MAK16: variants seen among roughly 807,000 people sequenced by gnomAD.
MAK16 encodes protein MAK16 homolog.
A neutral mutation model predicts 49.9 loss-of-function variants in MAK16; 12 were observed. That is an observed-to-expected ratio of 0.24 (90% CI 0.15 to 0.39). The LOEUF (loss-of-function observed/expected upper bound fraction) is 0.39. Among genes scored for constraint, MAK16 ranks in the 10% least tolerant of loss-of-function variants. The probability of loss-of-function intolerance (pLI) is 1.00; values close to 1 mark genes in which losing one functional copy is unlikely to be tolerated. For missense variants in MAK16, 292 were observed against 363.7 expected (o/e 0.80, Z 1.60); for synonymous variants, 115 against 126.4 (o/e 0.91, Z 0.60).
At chr8:33,488,921 C>A in intron 4 of MAK16, 67 bp from the exon 5 acceptor site, 1 of 1,608,234 alleles carries the variant, frequency 6.2e-7, no homozygotes, top group South Asian at 1.1e-5. Context: ...CCATGGGTGT[C>A]ACTGACAGTG....
intron 8 of MAK16, 24 bp downstream of exon 8, chr8:33,496,765 A>G: frequency 6.6e-7 from 1 of 1,521,370 alleles, no homozygotes; most frequent in Non-Finnish European, 9.0e-7. Flanking sequence ...TTGTTTTGCC[A>G]AACCTACTAG....
chr8:33,497,340 A>G, intron 9 of MAK16, 43 bp downstream of exon 9: 4 of 719,182 alleles, frequency 5.6e-6, no homozygotes, highest in South Asian at 5.7e-5. Context: ...GCCTGCAGCA[A>G]AAAAAAAAAA....
In MAK16 at chr8:33,498,675, T is replaced by TG. The variant is rs1397300897; in HGVS notation, c.*46_*47insG. Reference sequence around the variant, plus strand: ...CCCAGGACTGAACATGCAGAACTGTTTTTTTTTTTTTTTTATCTTAAACAC... The same window carrying TG: ...CCCAGGACTGAACATGCAGAACTGTTGTTTTTTTTTTTTTTATCTTAAACAC... On this transcript the variant is annotated 3_prime_UTR_variant, in exon 10 of 10. Transcript: ENST00000360128. The TG allele has an allele frequency of 1.8e-6, 2 of 1,095,774 alleles. No homozygotes were observed. The highest frequency in any genetic ancestry group is 3.3e-5 in the East Asian group (1 of 29,878). 67.9% of individuals were successfully genotyped at this position (1,095,774 alleles called of 1,614,324 possible).
Position 33,495,550 on chromosome 8 carries a change from A to T in MAK16, c.456A>T (p.Ala152=). The change falls in exon 7 of 10, where the codon GCA becomes GCT. Residue 152 remains alanine, a synonymous_variant. Transcript: ENST00000360128. Reference sequence around the variant, plus strand: ...CTCTTTCCCCCTTATAGGAAAAGGCATTAATAGCTGCTCAGCTGGACAATG... The same window carrying T: ...CTCTTTCCCCCTTATAGGAAAAGGCTTTAATAGCTGCTCAGCTGGACAATG... ...ERREKRREEK[A]LIAAQLDNAI... The T allele has an allele frequency of 6.2e-7, 1 of 1,613,686 alleles. No homozygotes were observed. Among genetic ancestry groups the T allele is most frequent in the South Asian group, 1.1e-5 (1 of 90,948 alleles).
intron 1 of MAK16, 88 bp downstream of exon 1, chr8:33,485,309 G>C: frequency 1.3e-6 from 2 of 1,558,848 alleles, no homozygotes; most frequent in Non-Finnish European, 8.8e-7. Context: ...GTACGCAGCG[G>C]GTCTGTTGCC....
intron 6 of MAK16, among the ~76,000 whole-genome samples, chr8:33,494,224 C>G (rs144524869): frequency 6.6e-6 from 1 of 152,264 alleles, no homozygotes; most frequent in African/African-American, 2.4e-5. Context: ...CAGGCATACA[C>G]CACTCTGCCC....
rs1808990081 is a variant in MAK16 at position 33,499,616 on chromosome 8, T to C, written c.*987T>C. On this transcript the variant is annotated 3_prime_UTR_variant, in exon 10 of 10. Transcript: ENST00000360128. ...AAGAGCTAAGATGAAATAGTTTGAA[T>C]AAACTGGTAAAATAACAATTCATAC... The C allele has an allele frequency of 4.7e-6, 1 of 214,710 alleles. No homozygotes were observed. Among genetic ancestry groups the C allele is most frequent in the African/African-American group, 2.3e-5 (1 of 42,762 alleles). 13.3% of individuals were successfully genotyped at this position (214,710 alleles called of 1,614,324 possible).
intron 6 of MAK16, among the ~76,000 whole-genome samples, chr8:33,491,218 C>T (rs1808773000): frequency 6.6e-6 from 1 of 152,194 alleles, no homozygotes; most frequent in Admixed American, 6.5e-5. Context: ...CAAATTTTGG[C>T]TGTCGTGAAC....
intron 1 of MAK16, among the ~76,000 whole-genome samples, chr8:33,487,893 T>C (rs547336548): frequency 1.3e-5 from 2 of 152,350 alleles, no homozygotes; most frequent in South Asian, 4.1e-4. Flanking sequence ...CATCTGTATT[T>C]AGCTTTTCTA....
At chr8:33,486,569 T>A (rs565550481) in intron 1 of MAK16, among the ~76,000 whole-genome samples, 1 of 152,268 alleles carries the variant, frequency 6.6e-6, no homozygotes, top group East Asian at 1.9e-4. Context: ...TAAATTTTTT[T>A]AAAAACGAAA....
chr8:33,499,738 C>T lies in MAK16; in HGVS notation c.*1109C>T, dbSNP rs1165790642. 2 of 164,770 alleles carry T rather than the reference C, an allele frequency of 1.2e-5. No individual in the cohort carries two copies. The highest frequency in any genetic ancestry group is 1.6e-4 in the South Asian group (1 of 6,308). 10.2% of individuals were successfully genotyped at this position (164,770 alleles called of 1,614,324 possible). A position where few individuals can be genotyped will look rare whatever the true frequency, so the allele number is the denominator to read the frequency against. On this transcript the variant is annotated 3_prime_UTR_variant, in exon 10 of 10. Coordinates refer to ENST00000360128, the MANE Select transcript of MAK16 (RefSeq NM_032509.4). ...AATTTCTTTTCATGCTACCTTCAATCTTCAACTAAAGATTTCTAAAAGGGG... is the reference window on the plus strand; with the variant it reads ...AATTTCTTTTCATGCTACCTTCAATTTTCAACTAAAGATTTCTAAAAGGGG...
chr8:33,498,890 T>C lies in MAK16; in HGVS notation c.*261T>C. ...CCCGAGAAACTTAACAGATGAGTTC[T>C]TGAATCTGGGATGAGATGACGGATG... is the stretch of plus-strand genomic sequence containing the variant. On this transcript the variant is annotated 3_prime_UTR_variant, in exon 10 of 10. Transcript: ENST00000360128. The C allele has an allele frequency of 1.7e-6, 1 of 581,802 alleles. No homozygotes were observed. The highest frequency in any genetic ancestry group is 3.0e-6 in the Non-Finnish European group (1 of 330,886). 36.0% of individuals were successfully genotyped at this position (581,802 alleles called of 1,614,324 possible).
chr8:33,495,452 C>A, intron 6 of MAK16, 90 bp from the exon 7 acceptor site: 1 of 1,097,986 alleles, frequency 9.1e-7, no homozygotes, highest in Non-Finnish European at 1.3e-6. Flanking sequence ...CATTGTCTTT[C>A]TTATAAACAA....
At chr8:33,496,576 G>A (rs2128824836) in intron 7 of MAK16, 49 bp from the exon 8 acceptor site, 3 of 1,386,126 alleles carry the variant, frequency 2.2e-6, no homozygotes, top group Non-Finnish European at 3.0e-6. Context: ...GGAACTTCAA[G>A]TGTAATATCC....
chr8:33,494,298 C>T (rs1193786557), intron 6 of MAK16, among the ~76,000 whole-genome samples: 1 of 152,306 alleles, frequency 6.6e-6, no homozygotes, highest in African/African-American at 2.4e-5. Context: ...TGGTCTTGAT[C>T]TCCTGACGTC....
chr8:33,492,774 T>C (rs924205389), intron 6 of MAK16, among the ~76,000 whole-genome samples: 2 of 152,186 alleles, frequency 1.3e-5, no homozygotes, highest in African/African-American at 4.8e-5. Flanking sequence ...CTTATGCCAT[T>C]ACTATAGTGT....
At chr8:33,495,466 G>C in intron 6 of MAK16, 76 bp from the exon 7 acceptor site, 2 of 1,215,932 alleles carry the variant, frequency 1.6e-6, no homozygotes, top group Non-Finnish European at 2.4e-6. Context: ...TAAACAACTT[G>C]GTAGTTTCTT....
At position 33,500,444 on chromosome 8, in the gene MAK16, T is replaced by G; in HGVS notation, c.*1815T>G. The G allele has an allele frequency of 3.7e-6, 6 of 1,613,942 alleles. No individual in the cohort carries two copies. The highest frequency in any genetic ancestry group is 5.1e-6 in the Non-Finnish European group (6 of 1,179,994). On this transcript the variant is annotated 3_prime_UTR_variant, in exon 10 of 10. Coordinates refer to ENST00000360128, the MANE Select transcript of MAK16 (RefSeq NM_032509.4). ...TTTGGATCCCTTGCTACATCACAAATCAGTTTCAAGAGGGCCTTCAGTAAG... is the reference window on the plus strand; with the variant it reads ...TTTGGATCCCTTGCTACATCACAAAGCAGTTTCAAGAGGGCCTTCAGTAAG...
intron 6 of MAK16, among the ~76,000 whole-genome samples, chr8:33,491,878 A>T (rs889995646): frequency 6.6e-6 from 1 of 151,778 alleles, no homozygotes; most frequent in African/African-American, 2.4e-5. Context: ...AAGCAATCCA[A>T]CCACTTCAGC....
Sources: gnomAD v4.1 joint callset for allele counts (sites outside exome capture counted in the v4.1 genomes callset) on GRCh38, gnomAD v4.1.1 for gene constraint, MANE v1.5 for transcripts, NCBI Gene and HGNC (gene_info 2026-07-23, HGNC 2026-07-21) for gene names.